F13A1: variants seen among roughly 807,000 people sequenced by gnomAD.
F13A1 encodes the protein FSF, A subunit.
In F13A1, 47 loss-of-function variants were observed where a neutral mutation model predicts 80.1. The ratio of observed to expected loss-of-function variants is 0.59; its 90% CI spans 0.46 to 0.75. The LOEUF (loss-of-function observed/expected upper bound fraction) is 0.75. Among genes scored for constraint, F13A1 ranks in the 30% least tolerant of loss-of-function variants. The pLI, the probability that F13A1 is intolerant of heterozygous loss-of-function variation, is 0.00. For missense variants in F13A1, 817 were observed against 930.4 expected, an observed-to-expected ratio of 0.88 and a Z score of 1.59; for synonymous variants, 349 against 344.9, an observed-to-expected ratio of 1.01 and a Z score of -0.13.
chr6:6,186,572 A>G (rs1231259237), intron 10 of F13A1, among the ~76,000 whole-genome samples: 2 of 152,288 alleles, frequency 1.3e-5, no homozygotes, highest in Non-Finnish European at 1.5e-5. Flanking sequence ...GTTCTGTTCC[A>G]TTGATCTATA....
Position 6,305,551 on chromosome 6 carries a change from A to G in F13A1, c.131-12T>C, listed in dbSNP as rs1433355968. 4 of 1,613,764 alleles carry G rather than the reference A, an allele frequency of 2.5e-6. No individual in the cohort carries two copies. Among genetic ancestry groups the G allele is most frequent in the Non-Finnish European group, 3.4e-6 (4 of 1,179,736 alleles). ...GACATTAAGAAACTCTATGAACAAG[A>G]AAAACAAGGGTTGAAGAAAATAATC... On this transcript the variant is annotated splice_polypyrimidine_tract_variant and intron_variant, in intron 2 of 14. Coordinates refer to ENST00000264870, the MANE Select transcript of F13A1 (RefSeq NM_000129.4).
chr6:6,149,533 C>T (rs369108857), intron 14 of F13A1, among the ~76,000 whole-genome samples: 20 of 152,222 alleles, frequency 1.3e-4, no homozygotes, highest in East Asian at 1.2e-3. Flanking sequence ...TAGTGCCCTT[C>T]GAAGAAGAGG....
chr6:6,232,455 A>C (rs1361878079), intron 6 of F13A1, among the ~76,000 whole-genome samples: 1 of 152,216 alleles, frequency 6.6e-6, no homozygotes, highest in African/African-American at 2.4e-5. Flanking sequence ...TTTATAAAAC[A>C]ATAACAAATA....
At chr6:6,210,324 G>T (rs1463332547) in intron 8 of F13A1, among the ~76,000 whole-genome samples, 6 of 82,904 alleles carry the variant, frequency 7.2e-5, no homozygotes, top group East Asian at 4.2e-4. Flanking sequence ...TGTAGCATGT[G>T]ATATATATAT....
chr6:6,205,241 G>A (rs1413275972), intron 8 of F13A1, among the ~76,000 whole-genome samples: 7 of 152,242 alleles, frequency 4.6e-5, no homozygotes, highest in Admixed American at 4.6e-4. Context: ...CCTCAATGGA[G>A]GGGGTTGCAG....
At chr6:6,241,406 C>A (rs1369589166) in intron 6 of F13A1, among the ~76,000 whole-genome samples, 2 of 152,174 alleles carry the variant, frequency 1.3e-5, no homozygotes, top group Non-Finnish European at 2.9e-5. Context: ...ATGATTACCA[C>A]CACCGCCACC....
chr6:6,197,228 C>A lies in F13A1; in HGVS notation c.1211G>T (p.Ser404Ile). 1 of 1,614,052 alleles carries A rather than the reference C, an allele frequency of 6.2e-7. No individual in the cohort carries two copies. The highest frequency in any genetic ancestry group is 8.5e-7 in the Non-Finnish European group (1 of 1,179,934). ...GAGGGAGGACACAGTTTTACCATCG[C>A]TATTTTCCTGGGGGGTGCTGTCCAC... is the stretch of plus-strand genomic sequence containing the variant. ...QAVDSTPQEN[S>I]DGMYRCGPAS... Residue 404 changes from serine to isoleucine, a missense_variant, in exon 9 of 15, where the codon AGC becomes ATC. Transcript: ENST00000264870.
intron 14 of F13A1, among the ~76,000 whole-genome samples, chr6:6,148,787 G>C (rs1309428641): frequency 1.3e-5 from 2 of 152,096 alleles, no homozygotes; most frequent in South Asian, 2.1e-4. Context: ...CCCAAGTTTT[G>C]ACTGTCTCTG....
intron 13 of F13A1, among the ~76,000 whole-genome samples, chr6:6,154,374 G>C (rs4142290): frequency 0.48 from 72,624 of 151,964 alleles, 17,527 homozygotes; most frequent in African/African-American, 0.56. Flanking sequence ...GGCAAAAACA[G>C]TAATCATGAT....
intron 3 of F13A1, among the ~76,000 whole-genome samples, chr6:6,294,035 T>C (rs1239948999): frequency 6.6e-6 from 1 of 152,168 alleles, no homozygotes; most frequent in Non-Finnish European, 1.5e-5. Flanking sequence ...TTAAATATAA[T>C]AATAGCTTGC....
intron 11 of F13A1, among the ~76,000 whole-genome samples, chr6:6,177,338 T>C (rs1381146474): frequency 3.9e-5 from 6 of 152,172 alleles, no homozygotes; most frequent in Non-Finnish European, 7.4e-5. Flanking sequence ...CAAACCCTAG[T>C]GTTCTCGGCT....
chr6:6,300,499 C>G (rs7758773), intron 3 of F13A1, among the ~76,000 whole-genome samples: 7,988 of 151,248 alleles, frequency 0.053, 624 homozygotes, highest in African/African-American at 0.16. Flanking sequence ...GGAGTGACCC[C>G]ATTTTCCAGG....
intron 8 of F13A1, among the ~76,000 whole-genome samples, chr6:6,214,724 A>G: frequency 1.2e-5 from 1 of 82,810 alleles, no homozygotes. Flanking sequence ...CCCTTCAAAA[A>G]ATTAATGAAT....
intron 8 of F13A1, among the ~76,000 whole-genome samples, chr6:6,208,814 T>TC (rs1285443997): frequency 3.9e-5 from 6 of 152,126 alleles, no homozygotes; most frequent in African/African-American, 1.4e-4. Context: ...TATTTATACT[T>TC]CATACATACA....
At chr6:6,249,983 G>T (rs1561667887) in intron 5 of F13A1, among the ~76,000 whole-genome samples, 1 of 152,098 alleles carries the variant, frequency 6.6e-6, no homozygotes, top group Non-Finnish European at 1.5e-5. Context: ...GGAACACAGG[G>T]AGATCCCATA....
intron 13 of F13A1, among the ~76,000 whole-genome samples, chr6:6,157,434 CT>C (rs3059190): frequency 2.7e-5 from 4 of 150,526 alleles, no homozygotes; most frequent in South Asian, 2.1e-4. Context: ...AAAATAGAAA[CT>C]TTTTTTTTTG....
chr6:6,251,444 G>A (rs528295165), intron 4 of F13A1, among the ~76,000 whole-genome samples: 1 of 152,280 alleles, frequency 6.6e-6, no homozygotes, highest in African/African-American at 2.4e-5. Flanking sequence ...TCCTTTTAAT[G>A]AAAGATACTT....
chr6:6,285,774 T>C (rs1436338841), intron 3 of F13A1, among the ~76,000 whole-genome samples: 5 of 152,084 alleles, frequency 3.3e-5, no homozygotes, highest in African/African-American at 4.8e-5. Context: ...TCCCAGCCAG[T>C]GCTAGGGAAG....
chr6:6,298,510 C>T (rs1286175758), intron 3 of F13A1, among the ~76,000 whole-genome samples: 2 of 149,774 alleles, frequency 1.3e-5, no homozygotes, highest in Admixed American at 6.6e-5. Context: ...TAATGGCCTT[C>T]TTTGTCTCTT....
Sources: gnomAD v4.1 joint callset for allele counts (sites outside exome capture counted in the v4.1 genomes callset) on GRCh38, gnomAD v4.1.1 for gene constraint, MANE v1.5 for transcripts, NCBI Gene and HGNC (gene_info 2026-07-23, HGNC 2026-07-21) for gene names.